Variants in BBX observed in about 807,000 individuals in gnomAD.
BBX encodes BBX high mobility group box domain containing, also known as HMG box transcription factor BBX.
In BBX, 30 loss-of-function variants were observed where a neutral mutation model predicts 100.2. That is an observed-to-expected ratio of 0.30 (90% confidence interval 0.22 to 0.41). The LOEUF (loss-of-function observed/expected upper bound fraction) is 0.41, where lower values mean the gene tolerates loss of function less well. Among genes scored for constraint, BBX ranks in the 10% least tolerant of loss-of-function variants. The pLI is 1.00. For synonymous variants in BBX, 376 were observed against 388.1 expected, an observed-to-expected ratio of 0.97 and a Z score of 0.37; for missense variants, 1,023 against 1,129.8, an observed-to-expected ratio of 0.91 and a Z score of 1.35.
intron 17 of BBX, among the ~76,000 whole-genome samples, chr3:107,803,492 C>T (rs1053015715): frequency 1.4e-4 from 21 of 152,130 alleles, no homozygotes; most frequent in African/African-American, 4.1e-4. Context: ...TGGAAATATA[C>T]GACCTGCACT....
chr3:107,646,061 G>C (rs1406968975), intron 3 of BBX, 152 bp downstream of exon 3: 1 of 152,336 alleles, frequency 6.6e-6, no homozygotes, highest in Admixed American at 6.6e-5. Context: ...TTTTTAAAGT[G>C]TGACTTTTAT....
At chr3:107,782,626 A>G (rs1245954498) in intron 13 of BBX, among the ~76,000 whole-genome samples, 2 of 151,958 alleles carry the variant, frequency 1.3e-5, no homozygotes, top group African/African-American at 2.4e-5. Flanking sequence ...TTTTCAGCAA[A>G]CCTTGAACAA....
intron 2 of BBX, among the ~76,000 whole-genome samples, chr3:107,533,090 A>G (rs887158466): frequency 6.6e-5 from 10 of 152,122 alleles, no homozygotes; most frequent in African/African-American, 2.2e-4. Flanking sequence ...GAATATTCAC[A>G]TATTTTGCTG....
chr3:107,567,052 T>C (rs1306622499), intron 2 of BBX, among the ~76,000 whole-genome samples: 1 of 152,172 alleles, frequency 6.6e-6, no homozygotes, highest in African/African-American at 2.4e-5. Flanking sequence ...TAAAATGTGG[T>C]TTAAAATTTC....
At chr3:107,569,833 T>C (rs970518417) in intron 2 of BBX, among the ~76,000 whole-genome samples, 4 of 152,122 alleles carry the variant, frequency 2.6e-5, no homozygotes, top group Non-Finnish European at 4.4e-5. Context: ...TACCCTCCAC[T>C]TTATGAGTTA....
intron 2 of BBX, among the ~76,000 whole-genome samples, chr3:107,610,255 A>G (rs1472945029): frequency 6.6e-6 from 1 of 152,044 alleles, no homozygotes; most frequent in Admixed American, 6.5e-5. Context: ...GAAAGTTTTA[A>G]GATTTGTTTT....
chr3:107,795,613 C>CTTTTTTTTTTTTT (rs1158136233), intron 15 of BBX, among the ~76,000 whole-genome samples: 3 of 60,034 alleles, frequency 5.0e-5, no homozygotes, highest in African/African-American at 7.3e-5. Context: ...CCGACGTAGT[C>CTTTTTTTTTTTTT]TTTTTTTTTT....
intron 2 of BBX, among the ~76,000 whole-genome samples, chr3:107,597,936 G>A (rs2053776774): frequency 6.6e-6 from 1 of 152,228 alleles, no homozygotes; most frequent in South Asian, 2.1e-4. Flanking sequence ...GCCTGATTTT[G>A]TAAAATGGGA....
chr3:107,697,343 T>C (rs1305551867), intron 3 of BBX, among the ~76,000 whole-genome samples: 1 of 151,844 alleles, frequency 6.6e-6, no homozygotes, highest in Non-Finnish European at 1.5e-5. Context: ...CTACTTTTGG[T>C]CTTTGATGAT....
At chr3:107,796,275 T>C (rs948422623) in intron 15 of BBX, among the ~76,000 whole-genome samples, 2 of 152,240 alleles carry the variant, frequency 1.3e-5, no homozygotes, top group South Asian at 4.1e-4. Context: ...CTGGTATCCA[T>C]GCCTTTTCAT....
rs1192024274 is a variant in BBX, at chr3:107,809,793, TA to T, written c.*4341del. ...AAATAGCTCCTTATTTTGCACCTTATAAAAAGTATACTAATTGTTAATTAGA... is the reference window on the plus strand; with the variant it reads ...AAATAGCTCCTTATTTTGCACCTTATAAAAGTATACTAATTGTTAATTAGA... On this transcript the variant is annotated 3_prime_UTR_variant, in exon 18 of 18. Transcript: ENST00000325805. 1.3e-5 allele frequency: 2 copies of T among 152,228 alleles called. No individual in the cohort carries two copies. Among genetic ancestry groups the T allele is most frequent in the Admixed American group, 1.3e-4 (2 of 15,284 alleles). The allele number at this position is 152,228 out of a possible 1,614,324, so 9.4% of individuals were successfully genotyped here.
intron 2 of BBX, among the ~76,000 whole-genome samples, chr3:107,538,113 C>T (rs924540295): frequency 6.6e-6 from 1 of 152,160 alleles, no homozygotes; most frequent in African/African-American, 2.4e-5. Flanking sequence ...TTTTAGGTTT[C>T]GTATGTGGAC....
chr3:107,665,846 G>T (rs975853838), intron 3 of BBX, among the ~76,000 whole-genome samples: 3 of 152,214 alleles, frequency 2.0e-5, no homozygotes, highest in Admixed American at 6.5e-5. Flanking sequence ...GATTCTTTCT[G>T]TTGGGCTTTT....
chr3:107,709,074 G>T (rs2061560066), intron 3 of BBX, among the ~76,000 whole-genome samples: 1 of 152,052 alleles, frequency 6.6e-6, no homozygotes, highest in Non-Finnish European at 1.5e-5. Context: ...AGGATAGAAG[G>T]AATAATGAAA....
At chr3:107,795,016 G>A (rs2069462116) in intron 15 of BBX, among the ~76,000 whole-genome samples, 3 of 152,262 alleles carry the variant, frequency 2.0e-5, no homozygotes, top group Admixed American at 2.0e-4. Context: ...CTAGCCCAGT[G>A]GATTTGTTCT....
rs370876456 is a variant in BBX, at chr3:107,730,493, C to CTT, written c.601+1545_601+1546dup. Among the ~76,000 whole-genome samples the CTT allele has an allele frequency of 7.0e-3, 997 of 141,504 alleles. 9 individuals are homozygous for CTT. Among genetic ancestry groups the CTT allele is most frequent in the African/African-American group, 0.019 (757 of 38,998 alleles). 92.8% of individuals were successfully genotyped at this position (141,504 alleles called of 152,430 possible). A position where few individuals can be genotyped will look rare whatever the true frequency, so the allele number is the denominator to read the frequency against. The stretch of plus-strand genomic sequence containing the variant: ...TGTAGTTTGTTGTTGTTGTTGTTGG[C>CTT]TTTTTTTTTTTTTGCATACATCTGC... On this transcript the variant is annotated intron_variant, in intron 6 of 17. Coordinates refer to ENST00000325805, the MANE Select transcript of BBX (RefSeq NM_001142568.3).
At chr3:107,801,003 T>C (rs2070392586) in intron 16 of BBX, 92 bp from the exon 17 acceptor site, 1 of 1,217,826 alleles carries the variant, frequency 8.2e-7, no homozygotes, top group Non-Finnish European at 1.2e-6. Flanking sequence ...GAATGTTAGC[T>C]CTTTTCATGT....
chr3:107,652,860 A>G (rs2057921079), intron 3 of BBX, among the ~76,000 whole-genome samples: 2 of 152,196 alleles, frequency 1.3e-5, no homozygotes, highest in African/African-American at 4.8e-5. Flanking sequence ...ATATGTATAT[A>G]TGTATACATG....
chr3:107,531,228 T>C (rs1323973288), intron 2 of BBX, among the ~76,000 whole-genome samples: 10 of 152,172 alleles, frequency 6.6e-5, no homozygotes, highest in African/African-American at 2.4e-5. Flanking sequence ...TTTGCAATAC[T>C]GAGGAAGGTC....
Sources: gnomAD v4.1 joint callset for allele counts (sites outside exome capture counted in the v4.1 genomes callset) on GRCh38, gnomAD v4.1.1 for gene constraint, MANE v1.5 for transcripts, NCBI Gene and HGNC (gene_info 2026-07-23, HGNC 2026-07-21) for gene names.